RALYL: variants seen among roughly 807,000 people sequenced by gnomAD.
RALYL encodes the protein RNA-binding Raly-like protein.
Under a neutral mutation model 35.1 loss-of-function variants are expected in RALYL, and 29 were observed. That is an observed-to-expected ratio of 0.83 (90% confidence interval 0.61 to 1.13). The LOEUF (loss-of-function observed/expected upper bound fraction) is 1.13. Ranked by LOEUF, RALYL falls within the 50% of genes most tolerant of loss-of-function variation. The pLI, the probability that RALYL is intolerant of heterozygous loss-of-function variation, is 0.00. For missense variants in RALYL, 359 were observed against 360.4 expected (o/e 1.00, Z 0.03); for synonymous variants, 120 against 127.6 (o/e 0.94, Z 0.40).
At position 84,682,340 on chromosome 8, in the gene RALYL, T is replaced by A. The variant is rs542668921; in HGVS notation, c.257-92239T>A. 1.1e-3 allele frequency among the ~76,000 whole-genome samples: 170 copies of A among 152,314 alleles called. 3 individuals are homozygous for A. The highest frequency in any genetic ancestry group is 3.7e-3 in the African/African-American group (155 of 41,576). ...TCTCTGCCAGGCTTTGGTATCAGGATGATGCTGGCCTCATAAAATGAGTTA... is the reference window on the plus strand; with the variant it reads ...TCTCTGCCAGGCTTTGGTATCAGGAAGATGCTGGCCTCATAAAATGAGTTA... On this transcript the variant is annotated intron_variant, in intron 2 of 8. Transcript: ENST00000521268.
chr8:84,491,814 T>C (rs2055343134), intron 1 of RALYL, among the ~76,000 whole-genome samples: 1 of 151,968 alleles, frequency 6.6e-6, no homozygotes, highest in Non-Finnish European at 1.5e-5. Context: ...TTCCATAGAC[T>C]CAATTTCTAA....
intron 1 of RALYL, among the ~76,000 whole-genome samples, chr8:84,403,510 T>C (rs2132020362): frequency 6.8e-6 from 1 of 146,276 alleles, no homozygotes; most frequent in South Asian, 2.2e-4. Flanking sequence ...TCTGTTCCAT[T>C]GGTCTATATC....
intron 1 of RALYL, among the ~76,000 whole-genome samples, chr8:84,451,189 T>C (rs1587387347): frequency 6.6e-6 from 1 of 152,184 alleles, no homozygotes; most frequent in South Asian, 2.1e-4. Context: ...ACTTTTTTGT[T>C]CTCTAATATT....
chr8:84,815,687 T>G (rs1472876784), intron 4 of RALYL, among the ~76,000 whole-genome samples: 3 of 151,950 alleles, frequency 2.0e-5, no homozygotes, highest in Admixed American at 6.6e-5. Flanking sequence ...CTGCATCAGA[T>G]ATACTCTGAT....
chr8:84,429,530 G>T (rs1004988808), intron 1 of RALYL, among the ~76,000 whole-genome samples: 2 of 151,750 alleles, frequency 1.3e-5, no homozygotes, highest in African/African-American at 4.8e-5. Context: ...TTATATTTTT[G>T]TTTGAAAAAC....
At chr8:84,732,668 T>TTATATATATATGTATATA (rs780316979) in intron 2 of RALYL, among the ~76,000 whole-genome samples, 1,934 of 132,296 alleles carry the variant, frequency 0.015, 81 homozygotes, top group African/African-American at 0.058. Flanking sequence ...TATTAAATAA[T>TTATATATATATGTATATA]TATATATATA....
At chr8:84,741,002 A>C (rs529054141) in intron 2 of RALYL, among the ~76,000 whole-genome samples, 1 of 152,116 alleles carries the variant, frequency 6.6e-6, no homozygotes, top group Admixed American at 6.6e-5. Context: ...AAACAAAGGC[A>C]AGAAGGCAGG....
intron 1 of RALYL, among the ~76,000 whole-genome samples, chr8:84,465,098 T>G (rs1282124908): frequency 2.4e-5 from 3 of 124,090 alleles, no homozygotes; most frequent in Non-Finnish European, 5.2e-5. Flanking sequence ...GGTTGCCTGT[T>G]CACTCTGATG....
rs190958490 is a variant in RALYL, at chr8:84,338,216, A to G, written c.-24+153792A>G. Among the ~76,000 whole-genome samples, 651 of 152,112 alleles carry G rather than the reference A, an allele frequency of 4.3e-3. 3 individuals carry two copies. Among genetic ancestry groups the G allele is most frequent in the African/African-American group, 0.015 (608 of 41,524 alleles). Reference sequence around the variant, plus strand: ...CTGTAAAATAGGAATTTGATGTACTATTCTCATTTTATAGGTAAGAGAAAT... The same window carrying G: ...CTGTAAAATAGGAATTTGATGTACTGTTCTCATTTTATAGGTAAGAGAAAT... On this transcript the variant is annotated intron_variant, in intron 1 of 8. Coordinates refer to ENST00000521268, the MANE Select transcript of RALYL (RefSeq NM_173848.7).
chr8:84,607,660 A>T (rs1817440096), intron 2 of RALYL, among the ~76,000 whole-genome samples: 1 of 152,072 alleles, frequency 6.6e-6, no homozygotes, highest in Admixed American at 6.6e-5. Flanking sequence ...CCTGCCCTGG[A>T]CACTGAGCAT....
chr8:84,621,405 C>T (rs946223905), intron 2 of RALYL, among the ~76,000 whole-genome samples: 1 of 152,170 alleles, frequency 6.6e-6, no homozygotes, highest in African/African-American at 2.4e-5. Context: ...AAGGGAACTC[C>T]CTGACCCCTT....
chr8:84,607,364 T>C (rs1281616454), intron 2 of RALYL, among the ~76,000 whole-genome samples: 1 of 152,152 alleles, frequency 6.6e-6, no homozygotes, highest in Non-Finnish European at 1.5e-5. Flanking sequence ...GTTAGAGTAA[T>C]TAAATATGAA....
intron 1 of RALYL, among the ~76,000 whole-genome samples, chr8:84,233,056 C>G (rs1675685670): frequency 6.6e-6 from 1 of 151,900 alleles, no homozygotes; most frequent in Admixed American, 6.6e-5. Flanking sequence ...AATCATAGTT[C>G]ACTGTAACCT....
intron 1 of RALYL, among the ~76,000 whole-genome samples, chr8:84,195,765 G>A (rs999434568): frequency 2.3e-4 from 35 of 152,212 alleles, no homozygotes; most frequent in Middle Eastern, 3.4e-3. Flanking sequence ...AAAGTAAAGG[G>A]GGCCAAGTGA....
chr8:84,626,661 T>C (rs894558239), intron 2 of RALYL, among the ~76,000 whole-genome samples: 1 of 152,160 alleles, frequency 6.6e-6, no homozygotes, highest in Non-Finnish European at 1.5e-5. Context: ...TTAAAAATTG[T>C]TTAGAGACAC....
At chr8:84,785,566 A>G (rs1472677078) in intron 3 of RALYL, among the ~76,000 whole-genome samples, 1 of 152,180 alleles carries the variant, frequency 6.6e-6, no homozygotes, top group Non-Finnish European at 1.5e-5. Flanking sequence ...GTCTTAAAGT[A>G]TTCATGTCTT....
chr8:84,486,321 A>C (rs961897055), intron 1 of RALYL, among the ~76,000 whole-genome samples: 2 of 151,046 alleles, frequency 1.3e-5, no homozygotes, highest in Non-Finnish European at 3.0e-5. Flanking sequence ...AGAAAAGCAA[A>C]TAGTTAAAAA....
chr8:84,279,116 G>T (rs1836008123), intron 1 of RALYL, among the ~76,000 whole-genome samples: 1 of 152,154 alleles, frequency 6.6e-6, no homozygotes, highest in Non-Finnish European at 1.5e-5. Context: ...GGCTTACATG[G>T]CAGCAGGCAA....
Position 84,887,781 on chromosome 8 carries a change from G to GA in RALYL, c.858+8dup. Reference sequence around the variant, plus strand: ...GAAGATGGGGGTCATGAGCTGGTAGGAAAGAAACATTTGGTATTCACACCC... The same window carrying GA: ...GAAGATGGGGGTCATGAGCTGGTAGGAAAAGAAACATTTGGTATTCACACCC... On this transcript the variant is annotated splice_donor_region_variant and intron_variant, in intron 8 of 8. Transcript: ENST00000521268. 1 of 1,609,270 alleles carries GA rather than the reference G, an allele frequency of 6.2e-7. No homozygotes were observed. Among genetic ancestry groups the GA allele is most frequent in the Non-Finnish European group, 8.5e-7 (1 of 1,178,054 alleles).
Sources: gnomAD v4.1 joint callset for allele counts (sites outside exome capture counted in the v4.1 genomes callset) on GRCh38, gnomAD v4.1.1 for gene constraint, MANE v1.5 for transcripts, NCBI Gene and HGNC (gene_info 2026-07-23, HGNC 2026-07-21) for gene names.